The following LARGE1 variants were observed in gnomAD, a reference collection of about 807,000 sequenced individuals.
LARGE1 encodes xylosyl- and glucuronyltransferase LARGE1.
LARGE1 carries 43 observed loss-of-function variants against 87.6 expected under a neutral mutation model. The ratio of observed to expected loss-of-function variants is 0.49; its 90% CI spans 0.38 to 0.63. LARGE1 has a LOEUF of 0.63. Among genes scored for constraint, LARGE1 ranks in the 30% least tolerant of loss-of-function variants. The probability of loss-of-function intolerance (pLI) is 0.00; values close to 1 mark genes in which losing one functional copy is unlikely to be tolerated. For synonymous variants in LARGE1, 434 were observed against 394.6 expected (o/e 1.10, Z -1.18); for missense variants, 802 against 1,000.2 (o/e 0.80, Z 2.67).
At chr22:33,622,034 C>G (rs934357078) in intron 4 of LARGE1, among the ~76,000 whole-genome samples, 1 of 152,172 alleles carries the variant, frequency 6.6e-6, no homozygotes, top group Non-Finnish European at 1.5e-5. Context: ...AATTGAGGCC[C>G]TGAGTTTTGG....
chr22:33,797,642 C>T (rs574733635), intron 1 of LARGE1, among the ~76,000 whole-genome samples: 59 of 152,314 alleles, frequency 3.9e-4, no homozygotes, highest in South Asian at 8.3e-4. Flanking sequence ...GCTGGTTCTG[C>T]CTCTGGAGTT....
At chr22:33,466,369 G>GT (rs1265497119) in intron 6 of LARGE1, among the ~76,000 whole-genome samples, 15 of 135,750 alleles carry the variant, frequency 1.1e-4, no homozygotes, top group African/African-American at 4.5e-4. Context: ...TTTTTCTCTT[G>GT]CCTCTCTCTC....
At chr22:33,305,743 TAGGG>T in intron 11 of LARGE1, 1 of 197,054 alleles carries the variant, frequency 5.1e-6, no homozygotes, top group Non-Finnish European at 9.2e-6. Flanking sequence ...CCTCGTTCAA[TAGGG>T]AGGATTAAGA....
rs531235422 is a variant in LARGE1, at chr22:33,886,425, C to T, written c.-83+33570G>A. Among the ~76,000 whole-genome samples the T allele has an allele frequency of 2.0e-5, 3 of 152,132 alleles. No homozygotes were observed. The South Asian group carries it at 6.2e-4, about 32-fold the overall frequency. Reference sequence around the variant, plus strand: ...GGGCACAATGGCTCATGCCTGTAATCCCAGCACTTTGGGAGGCCAAGGCAG... The same window carrying T: ...GGGCACAATGGCTCATGCCTGTAATTCCAGCACTTTGGGAGGCCAAGGCAG... On this transcript the variant is annotated intron_variant, in intron 1 of 14. Transcript: ENST00000397394.
At chr22:33,515,985 G>A (rs1435324389) in intron 6 of LARGE1, among the ~76,000 whole-genome samples, 4 of 152,182 alleles carry the variant, frequency 2.6e-5, no homozygotes, top group Non-Finnish European at 5.9e-5. Flanking sequence ...CAACGCCACC[G>A]TGTCCAGGCC....
intron 2 of LARGE1, among the ~76,000 whole-genome samples, chr22:33,652,586 G>A (rs1300950466): frequency 6.6e-6 from 1 of 152,070 alleles, no homozygotes; most frequent in East Asian, 1.9e-4. Context: ...CATATCTCTA[G>A]AAAATCGTCC....
At chr22:33,102,808 C>T in the LARGE1 span, among the ~76,000 whole-genome samples, 132 of 152,158 alleles carry the variant, frequency 8.7e-4, 5 homozygotes, top group East Asian at 0.02. Flanking sequence ...TCCCTGTCTA[C>T]GAGCCTGCAC....
At chr22:33,303,905 G>A (rs1934509919) in intron 12 of LARGE1, among the ~76,000 whole-genome samples, 1 of 152,198 alleles carries the variant, frequency 6.6e-6, no homozygotes, top group Admixed American at 6.5e-5. Flanking sequence ...TTACAGGCGA[G>A]AGCCATCGCG....
chr22:33,637,843 CTG>C (rs2080313337), intron 3 of LARGE1, among the ~76,000 whole-genome samples: 1 of 152,136 alleles, frequency 6.6e-6, no homozygotes, highest in Non-Finnish European at 1.5e-5. Flanking sequence ...TTTTCAGAAA[CTG>C]TATGAGATAA....
chr22:33,175,933 A>G (rs1394233786), intron 11 of LARGE1, among the ~76,000 whole-genome samples: 3 of 152,214 alleles, frequency 2.0e-5, no homozygotes, highest in Non-Finnish European at 4.4e-5. Context: ...CCAAAACAGC[A>G]TGGTACTGGT....
chr22:33,689,185 ATG>A (rs112442829), intron 2 of LARGE1, among the ~76,000 whole-genome samples: 5 of 144,326 alleles, frequency 3.5e-5, no homozygotes, highest in Admixed American at 6.8e-5. Flanking sequence ...CTGTGTGTGT[ATG>A]TGTGTGTGTG....
intron 9 of LARGE1, among the ~76,000 whole-genome samples, chr22:33,364,524 A>G (rs1055887062): frequency 4.6e-5 from 7 of 152,186 alleles, no homozygotes; most frequent in African/African-American, 1.7e-4. Flanking sequence ...CCAGAGGTCA[A>G]CCACTGTCTG....
chr22:33,423,124 T>C (rs1226145203), intron 7 of LARGE1, among the ~76,000 whole-genome samples: 1 of 151,610 alleles, frequency 6.6e-6, no homozygotes, highest in East Asian at 1.9e-4. Flanking sequence ...TTTGGAAAAA[T>C]GTACCACAAA....
chr22:33,410,458 G>C (rs886812683), intron 7 of LARGE1, among the ~76,000 whole-genome samples: 3 of 152,062 alleles, frequency 2.0e-5, no homozygotes, highest in African/African-American at 4.8e-5. Context: ...CTGTTCTCGT[G>C]ACAGTGAGTG....
intron 7 of LARGE1, among the ~76,000 whole-genome samples, chr22:33,392,897 T>C (rs918350842): frequency 6.6e-6 from 1 of 152,176 alleles, no homozygotes; most frequent in African/African-American, 2.4e-5. Context: ...ACTTGAAATA[T>C]TTGCAATATT....
At chr22:33,407,154 T>A (rs1601731559) in intron 7 of LARGE1, among the ~76,000 whole-genome samples, 1 of 152,088 alleles carries the variant, frequency 6.6e-6, no homozygotes, top group East Asian at 1.9e-4. Flanking sequence ...ACCACTCTAT[T>A]ATTACTTTTT....
intron 1 of LARGE1, among the ~76,000 whole-genome samples, chr22:33,901,978 C>T (rs2065294898): frequency 6.6e-6 from 1 of 152,088 alleles, no homozygotes. Context: ...CAGAGACAGA[C>T]CAGACAATGA....
the LARGE1 span, among the ~76,000 whole-genome samples, chr22:33,095,476 A>C: frequency 6.6e-6 from 1 of 152,146 alleles, no homozygotes; most frequent in Admixed American, 6.5e-5. Flanking sequence ...TTTTAACTTG[A>C]TTATATACGC....
At chr22:33,831,999 A>G (rs1243380923) in intron 1 of LARGE1, among the ~76,000 whole-genome samples, 1 of 152,126 alleles carries the variant, frequency 6.6e-6, no homozygotes, top group Non-Finnish European at 1.5e-5. Context: ...TGCAGTTCCC[A>G]CTGGCTGCAA....
Sources: gnomAD v4.1 joint callset for allele counts (sites outside exome capture counted in the v4.1 genomes callset) on GRCh38, gnomAD v4.1.1 for gene constraint, MANE v1.5 for transcripts, NCBI Gene and HGNC (gene_info 2026-07-23, HGNC 2026-07-21) for gene names.